Variants in KLHDC4 observed in about 807,000 individuals in gnomAD.
KLHDC4 encodes the protein kelch domain containing 4, also known as kelch domain-containing protein 4.
In KLHDC4, 90 loss-of-function variants were observed where a neutral mutation model predicts 62.4. The observed-to-expected ratio is 1.44, with a 90% confidence interval of 1.22 to 1.72. The LOEUF (loss-of-function observed/expected upper bound fraction) is 1.72. Among genes scored for constraint, KLHDC4 ranks in the 40% most tolerant of loss-of-function variants. The probability of loss-of-function intolerance (pLI) is 0.00; values close to 1 mark genes in which losing one functional copy is unlikely to be tolerated. For synonymous variants in KLHDC4, 386 were observed against 284.4 expected, an observed-to-expected ratio of 1.36 and a Z score of -3.59; for missense variants, 1,025 against 699.7, an observed-to-expected ratio of 1.47 and a Z score of -5.25.
Position 87,756,369 on chromosome 16 carries a change from G to A in KLHDC4, c.270+30C>T, listed in dbSNP as rs772475455. ...CTGTCAAATGATACTCACGCAACAT[G>A]GGAAGAAAAGAAAAAAATATATACT... On this transcript the variant is annotated intron_variant, in intron 3 of 11. Coordinates refer to ENST00000270583, the MANE Select transcript of KLHDC4 (RefSeq NM_017566.4). 1.3e-5 allele frequency: 19 copies of A among 1,496,892 alleles called. No homozygotes were observed. In the East Asian group the frequency reaches 3.2e-4, roughly 25 times the overall value. 92.7% of individuals were successfully genotyped at this position (1,496,892 alleles called of 1,614,324 possible).
chr16:87,702,538 G>A (rs565395450), exon 1 of KLHDC4: 54 of 354,772 alleles, frequency 1.5e-4, no homozygotes, highest in African/African-American at 1.1e-3. Context: ...TCGGGGGCAG[G>A]CGCCCCCTCC....
chr16:87,735,299 C>CAA (rs58357546), intron 5 of KLHDC4, among the ~76,000 whole-genome samples: 6 of 72,588 alleles, frequency 8.3e-5, no homozygotes, highest in East Asian at 4.9e-4. Flanking sequence ...GACTCCGTCT[C>CAA]AAAAAAAAAA....
At position 87,698,206 on chromosome 16, in the gene KLHDC4, C is replaced by T. The variant is rs142778137; in HGVS notation, c.*3433G>A. On this transcript the variant is annotated 3_prime_UTR_variant, in exon 1 of 1. Coordinates refer to the KLHDC4 transcript ENST00000446344. The stretch of plus-strand genomic sequence containing the variant: ...ATGTTCACTCCCTGTTCCTTCTCGC[C>T]GCCTGGTCTGGTGGGGGCATAGGAG... 1,178 of 152,498 alleles carry T rather than the reference C, an allele frequency of 7.7e-3. 5 individuals carry two copies. The highest frequency in any genetic ancestry group is 0.012 in the Non-Finnish European group (831 of 68,028). 9.4% of individuals were successfully genotyped at this position (152,498 alleles called of 1,614,324 possible). A position where few individuals can be genotyped will look rare whatever the true frequency, so the allele number is the denominator to read the frequency against.
Position 87,714,586 on chromosome 16 carries a change from G to C in KLHDC4, c.760-13C>G, listed in dbSNP as rs369403288. 1.9e-6 allele frequency: 3 copies of C among 1,613,934 alleles called. No individual in the cohort carries two copies. The African/African-American group carries it at 4.0e-5, about 22-fold the overall frequency. ...CTTTCTTAACTCTCTGCAATGGAAA[G>C]GAATTGTGTGAGAACCGGGGGCAGC... is the stretch of plus-strand genomic sequence containing the variant. On this transcript the variant is annotated splice_polypyrimidine_tract_variant and intron_variant, in intron 7 of 11. Coordinates refer to ENST00000270583, the MANE Select transcript of KLHDC4 (RefSeq NM_017566.4).
chr16:87,727,063 C>T, intron 6 of KLHDC4, 139 bp from the exon 7 acceptor site: 1 of 847,818 alleles, frequency 1.2e-6, no homozygotes, highest in Non-Finnish European at 1.8e-6. Flanking sequence ...TCTGCTCTTA[C>T]ACCAACACAA....
At chr16:87,761,083 G>A (rs1005736586) in intron 2 of KLHDC4, among the ~76,000 whole-genome samples, 4 of 152,086 alleles carry the variant, frequency 2.6e-5, no homozygotes, top group Non-Finnish European at 5.9e-5. Flanking sequence ...ATTTGGCCCT[G>A]AGGGCAACAT....
intron 7 of KLHDC4, among the ~76,000 whole-genome samples, chr16:87,720,878 C>T (rs186537756): frequency 3.8e-4 from 58 of 152,320 alleles, no homozygotes; most frequent in African/African-American, 1.3e-3. Context: ...AGAGCCAGCC[C>T]GGGGTCCCCA....
downstream of KLHDC4, among the ~76,000 whole-genome samples, chr16:87,705,178 C>A (rs750608673): frequency 3.3e-5 from 5 of 152,200 alleles, no homozygotes; most frequent in Non-Finnish European, 5.9e-5. Flanking sequence ...GTGTCCCAGC[C>A]GCGCCGCGCC....
chr16:87,715,356 A>G (rs2036739626), intron 7 of KLHDC4, among the ~76,000 whole-genome samples: 1 of 152,140 alleles, frequency 6.6e-6, no homozygotes, highest in African/African-American at 2.4e-5. Context: ...ATGTCCTCCC[A>G]GCATGAATAC....
At chr16:87,765,571 G>C (rs1567856942) in intron 1 of KLHDC4, among the ~76,000 whole-genome samples, 1 of 152,124 alleles carries the variant, frequency 6.6e-6, no homozygotes, top group Non-Finnish European at 1.5e-5. Context: ...GTTAAAGGGG[G>C]CAGCTCCGAG....
exon 1 of KLHDC4, chr16:87,701,732 A>C (rs542792866): frequency 2.2e-6 from 1 of 456,618 alleles, no homozygotes; most frequent in South Asian, 1.5e-5. Flanking sequence ...CCACCTGCTC[A>C]GGCCTATGCC....
At position 87,709,497 on chromosome 16, in the gene KLHDC4, T is replaced by C. The variant is rs1597375177; in HGVS notation, c.1215A>G (p.Pro405=). 1 of 1,612,090 alleles carries C rather than the reference T, an allele frequency of 6.2e-7. No individual in the cohort carries two copies. The highest frequency in any genetic ancestry group is 8.5e-7 in the Non-Finnish European group (1 of 1,179,882). The change falls in exon 10 of 12, where the codon CCA becomes CCG. Residue 405 remains proline (P), a synonymous_variant. Transcript: ENST00000270583. ...CAGACCGGGGCTGCCCCGCCGAGCC[T>C]GGCGCGGTGAGCACCTGCTTAATGG... ...VVTIKQVLTA[P]GSAGQPRSED...
intron 5 of KLHDC4, among the ~76,000 whole-genome samples, chr16:87,743,468 C>A (rs9930834): frequency 4.1e-4 from 62 of 152,036 alleles, no homozygotes; most frequent in African/African-American, 1.3e-3. Context: ...GGCCAGGCGC[C>A]GTGGCTCATG....
chr16:87,718,656 G>T (rs1240484274), intron 7 of KLHDC4, among the ~76,000 whole-genome samples: 1 of 151,918 alleles, frequency 6.6e-6, no homozygotes, highest in Non-Finnish European at 1.5e-5. Context: ...CCTCGTCTGG[G>T]AAGTGAGGAG....
exon 1 of KLHDC4, chr16:87,700,469 G>C (rs1211794333): frequency 6.1e-6 from 1 of 164,702 alleles, no homozygotes; most frequent in Non-Finnish European, 1.3e-5. Context: ...GCGGAGGGAG[G>C]AGGGCAGGGG....
chr16:87,715,979 A>G (rs763843246), intron 7 of KLHDC4, among the ~76,000 whole-genome samples: 7 of 152,136 alleles, frequency 4.6e-5, no homozygotes, highest in African/African-American at 1.7e-4. Flanking sequence ...TCTCATGGAT[A>G]TTGACAGACT....
At chr16:87,752,549 A>C (rs187762572) in intron 4 of KLHDC4, among the ~76,000 whole-genome samples, 52 of 152,098 alleles carry the variant, frequency 3.4e-4, no homozygotes, top group African/African-American at 1.2e-3. Flanking sequence ...GTTGGCCAGG[A>C]TGGTCTCGAT....
At position 87,760,390 on chromosome 16, in the gene KLHDC4, G is replaced by A. The variant is rs187847661; in HGVS notation, c.191+1559C>T. ...TGGGAGGCTGAGGCGGGCGGATCAC[G>A]AGGTCAGAAGATCAAGACCATCCTG... On this transcript the variant is annotated intron_variant, in intron 2 of 11. Transcript: ENST00000270583. 1.3e-3 allele frequency among the ~76,000 whole-genome samples: 191 copies of A among 149,850 alleles called. 2 individuals carry two copies. Among genetic ancestry groups the A allele is most frequent in the African/African-American group, 4.4e-3 (181 of 40,794 alleles).
chr16:87,704,654 T>C, downstream of KLHDC4, among the ~76,000 whole-genome samples: 1 of 152,052 alleles, frequency 6.6e-6, no homozygotes, highest in East Asian at 1.9e-4. Context: ...CATCTTGGTA[T>C]TTGGTCCCCC....
Sources: allele counts gnomAD v4.1 joint callset (sites outside exome capture counted in the v4.1 genomes callset), GRCh38; gene constraint gnomAD v4.1.1; transcripts MANE v1.5; gene names NCBI Gene and HGNC (gene_info 2026-07-23, HGNC 2026-07-21).